The following TRAPPC9 variants were observed in gnomAD, a reference collection of about 807,000 sequenced individuals.
The protein encoded by TRAPPC9 is IKK2 binding protein.
Under a neutral mutation model 124.0 loss-of-function variants are expected in TRAPPC9, and 83 were observed. That is an observed-to-expected ratio of 0.67 (90% CI 0.56 to 0.80). The LOEUF is 0.80. Ranked by LOEUF, TRAPPC9 falls within the 30% of genes least tolerant of loss-of-function variation. TRAPPC9 has a pLI of 0.00. For missense variants in TRAPPC9, 1,302 were observed against 1,508.3 expected, an observed-to-expected ratio of 0.86 and a Z score of 2.27; for synonymous variants, 638 against 617.5, an observed-to-expected ratio of 1.03 and a Z score of -0.49.
chr8:140,146,557 A>AT (rs1369660834), intron 17 of TRAPPC9, among the ~76,000 whole-genome samples: 6 of 152,098 alleles, frequency 3.9e-5, no homozygotes, highest in Non-Finnish European at 8.8e-5. Context: ...ATGTATCTCC[A>AT]TTTTTTAAAA....
intron 17 of TRAPPC9, among the ~76,000 whole-genome samples, chr8:140,044,191 C>T (rs1012839322): frequency 1.3e-5 from 2 of 151,822 alleles, no homozygotes; most frequent in Non-Finnish European, 2.9e-5. Flanking sequence ...AGCCACACCC[C>T]TCAACTACTG....
chr8:140,104,516 T>TG lies in TRAPPC9; in HGVS notation c.2557-80438dup, dbSNP rs1253153457. ...ATATGCAAGTAGTATGATGGCACGA[T>TG]GGGGGGAGCTGTGAACTAGCTAGGG... On this transcript the variant is annotated intron_variant, in intron 17 of 22. Transcript: ENST00000438773. This position sits in a 1 kb window ranked among gnomAD's most constrained non-coding sequence, Gnocchi z 4.0. 1.3e-5 allele frequency among the ~76,000 whole-genome samples: 2 copies of TG among 151,944 alleles called. No homozygotes were observed. The highest frequency in any genetic ancestry group is 2.9e-5 in the Non-Finnish European group (2 of 67,990).
intron 18 of TRAPPC9, among the ~76,000 whole-genome samples, chr8:140,004,869 T>C (rs1422666477): frequency 6.6e-6 from 1 of 152,176 alleles, no homozygotes; most frequent in Non-Finnish European, 1.5e-5. Flanking sequence ...TAAAGTGAAT[T>C]AGCATAAAAC....
At chr8:140,243,334 G>C (rs926967214) in intron 16 of TRAPPC9, among the ~76,000 whole-genome samples, 3 of 152,260 alleles carry the variant, frequency 2.0e-5, no homozygotes, top group Non-Finnish European at 4.4e-5. Context: ...GTGTATCCCA[G>C]AGGAAAGAGG....
At chr8:140,113,790 C>T (rs1275576084) in intron 17 of TRAPPC9, among the ~76,000 whole-genome samples, 2 of 152,200 alleles carry the variant, frequency 1.3e-5, no homozygotes, top group East Asian at 3.8e-4. Flanking sequence ...TCTTCACTGC[C>T]AACTTGATGA....
At chr8:140,165,638 G>C (rs369366020) in intron 17 of TRAPPC9, among the ~76,000 whole-genome samples, 27 of 139,272 alleles carry the variant, frequency 1.9e-4, no homozygotes, top group Admixed American at 1.7e-3. Context: ...CAAAGGGGAG[G>C]GGGGGATGCG....
At chr8:140,418,723 AAGATAGATAGATAGAT>A (rs530951569) in intron 5 of TRAPPC9, among the ~76,000 whole-genome samples, 59 of 141,214 alleles carry the variant, frequency 4.2e-4, no homozygotes, top group Admixed American at 5.8e-4. Flanking sequence ...CCATCTCAAA[AAGATAGATAGATAGAT>A]AGATAGATAG....
chr8:140,283,488 G>A (rs1482086631), intron 14 of TRAPPC9, among the ~76,000 whole-genome samples: 6 of 150,208 alleles, frequency 4.0e-5, no homozygotes, highest in African/African-American at 1.5e-4. Context: ...TAGTAGAGAC[G>A]GGGTTTCACC....
In TRAPPC9 at chr8:140,233,613, T is replaced by TAC. The variant is rs2063657742; in HGVS notation, c.2432-12031_2432-12030insGT. On this transcript the variant is annotated intron_variant, in intron 16 of 22. Coordinates refer to ENST00000438773, the MANE Select transcript of TRAPPC9 (RefSeq NM_001160372.4). ...CTCGCTCTCTCCCTCCCTCCCTCCC[T>TAC]CTCTCCCCACCACACACACACACAC... Among the ~76,000 whole-genome samples, 7 of 20,226 alleles carry TAC rather than the reference T, an allele frequency of 3.5e-4. No individual in the cohort carries two copies. In the Admixed American group the frequency reaches 4.9e-3, roughly 14 times the overall value. 13.3% of individuals were successfully genotyped at this position (20,226 alleles called of 152,430 possible). A position where few individuals can be genotyped will look rare whatever the true frequency, so the allele number is the denominator to read the frequency against.
rs184502624 is a variant in TRAPPC9, at chr8:140,249,071, T to C, written c.2431+3706A>G. 2.5e-3 allele frequency among the ~76,000 whole-genome samples: 375 copies of C among 152,344 alleles called. 2 individuals are homozygous for C. The highest frequency in any genetic ancestry group is 4.2e-3 in the Admixed American group (65 of 15,304). On this transcript the variant is annotated intron_variant, in intron 16 of 22. Transcript: ENST00000438773. ...AGATTTAGCGGGTACGTGTTCAGGT[T>C]TGTTACATGAGTATACTGTGTGATG...
intron 19 of TRAPPC9, among the ~76,000 whole-genome samples, chr8:139,946,481 G>A (rs1390739501): frequency 1.3e-5 from 2 of 152,164 alleles, no homozygotes; most frequent in South Asian, 2.1e-4. Flanking sequence ...TGACATGCTT[G>A]GAGTTTTGCT....
intron 19 of TRAPPC9, among the ~76,000 whole-genome samples, chr8:139,943,871 G>C (rs1481106051): frequency 1.3e-5 from 2 of 152,084 alleles, no homozygotes; most frequent in Non-Finnish European, 2.9e-5. Flanking sequence ...ACAGATAAAT[G>C]AAACATGAGC....
At chr8:139,964,560 A>T (rs1207936527) in intron 19 of TRAPPC9, among the ~76,000 whole-genome samples, 2 of 152,218 alleles carry the variant, frequency 1.3e-5, no homozygotes, top group Non-Finnish European at 2.9e-5. Context: ...GAGGCAGGGC[A>T]TCAGGGCTTT....
intron 21 of TRAPPC9, among the ~76,000 whole-genome samples, chr8:139,824,129 A>G (rs1184473524): frequency 6.6e-6 from 1 of 152,228 alleles, no homozygotes. Context: ...ACAAGGGAGA[A>G]AGCAGACTCA....
rs111360480 is a variant in TRAPPC9 at position 140,037,189 on chromosome 8, C to T, written c.2557-13110G>A. Among the ~76,000 whole-genome samples the T allele has an allele frequency of 3.4e-3, 521 of 152,212 alleles. 4 individuals are homozygous for T. Among genetic ancestry groups the T allele is most frequent in the African/African-American group, 0.012 (494 of 41,524 alleles). On this transcript the variant is annotated intron_variant, in intron 17 of 22. Coordinates refer to ENST00000438773, the MANE Select transcript of TRAPPC9 (RefSeq NM_001160372.4). ...CAGGCTGCCCGGGCTCAGACCCCAT[C>T]GTCATTTCCTGCCCAGGCCCCTGAG... is the stretch of plus-strand genomic sequence containing the variant.
chr8:140,074,077 C>G (rs902564523), intron 17 of TRAPPC9, among the ~76,000 whole-genome samples: 1 of 152,144 alleles, frequency 6.6e-6, no homozygotes. Context: ...AGGTCTTTAC[C>G]GTCACAGACA....
At chr8:139,993,284 G>A (rs1837757952) in intron 18 of TRAPPC9, among the ~76,000 whole-genome samples, 1 of 152,118 alleles carries the variant, frequency 6.6e-6, no homozygotes, top group Non-Finnish European at 1.5e-5. Flanking sequence ...TAAAGTAGGG[G>A]AAACCCAATG....
At chr8:139,851,634 A>G (rs1192754580) in intron 21 of TRAPPC9, among the ~76,000 whole-genome samples, 3 of 152,204 alleles carry the variant, frequency 2.0e-5, no homozygotes, top group Non-Finnish European at 4.4e-5. Flanking sequence ...AATCCTGGAG[A>G]GTGCCGGAAA....
chr8:139,790,905 C>T (rs1173697814), intron 21 of TRAPPC9, among the ~76,000 whole-genome samples: 3 of 152,116 alleles, frequency 2.0e-5, no homozygotes, highest in Non-Finnish European at 4.4e-5. Context: ...CTCGAGAGGT[C>T]TGATTGTTTA....
Sources: gnomAD v4.1 joint callset for allele counts (sites outside exome capture counted in the v4.1 genomes callset) on GRCh38, gnomAD v4.1.1 for gene constraint, Gnocchi (gnomAD v3.1) non-coding constraint, MANE v1.5 for transcripts, NCBI Gene and HGNC (gene_info 2026-07-23, HGNC 2026-07-21) for gene names.